GPC5: variants seen among roughly 807,000 people sequenced by gnomAD.
GPC5 encodes the protein glypican-5.
A neutral mutation model predicts 53.9 loss-of-function variants in GPC5; 47 were observed. That is an observed-to-expected ratio of 0.87 (90% confidence interval 0.69 to 1.11). GPC5 has a LOEUF of 1.11. Among genes scored for constraint, GPC5 ranks in the 50% most tolerant of loss-of-function variants. The pLI is 0.00. For synonymous variants in GPC5, 286 were observed against 263.3 expected (o/e 1.09, Z -0.84); for missense variants, 748 against 713.1 (o/e 1.05, Z -0.56).
intron 2 of GPC5, among the ~76,000 whole-genome samples, chr13:91,621,587 G>A (rs747680839): frequency 1.3e-5 from 2 of 151,908 alleles, no homozygotes; most frequent in African/African-American, 2.4e-5. Context: ...ATTGGTAAGG[G>A]AGTGCCTACC....
At chr13:92,580,819 C>T (rs896117232) in intron 7 of GPC5, among the ~76,000 whole-genome samples, 1 of 152,132 alleles carries the variant, frequency 6.6e-6, no homozygotes, top group Non-Finnish European at 1.5e-5. Flanking sequence ...GATCCAGTCA[C>T]CTCCTACCAG....
chr13:91,786,079 C>T (rs954701326), intron 5 of GPC5, among the ~76,000 whole-genome samples: 11 of 152,188 alleles, frequency 7.2e-5, no homozygotes, highest in African/African-American at 2.7e-4. Context: ...TCACCACAAC[C>T]TCTGCCTCCT....
At chr13:92,648,897 C>A (rs1372328742) in intron 7 of GPC5, among the ~76,000 whole-genome samples, 1 of 152,012 alleles carries the variant, frequency 6.6e-6, no homozygotes, top group African/African-American at 2.4e-5. Flanking sequence ...TACATGTGAG[C>A]TTCCAATAGG....
chr13:92,797,599 T>C (rs760596245), intron 7 of GPC5, among the ~76,000 whole-genome samples: 1 of 152,028 alleles, frequency 6.6e-6, no homozygotes, highest in South Asian at 2.1e-4. Context: ...AATCTTTAAA[T>C]ATGCTATTTA....
intron 7 of GPC5, among the ~76,000 whole-genome samples, chr13:92,723,598 C>T (rs1236238047): frequency 6.6e-6 from 1 of 151,714 alleles, no homozygotes; most frequent in Non-Finnish European, 1.5e-5. Flanking sequence ...AAAACTTGTA[C>T]TTAATTTCAC....
chr13:91,512,317 T>A (rs531154293), intron 2 of GPC5, among the ~76,000 whole-genome samples: 14 of 152,302 alleles, frequency 9.2e-5, no homozygotes, highest in Non-Finnish European at 1.3e-4. Context: ...TTCTGCACCT[T>A]TGGAGATCTC....
chr13:92,473,500 G>T (rs1337267666), intron 7 of GPC5, among the ~76,000 whole-genome samples: 2 of 152,180 alleles, frequency 1.3e-5, no homozygotes, highest in East Asian at 3.9e-4. Flanking sequence ...CAAAACAAAT[G>T]ATTCTCATCA....
chr13:92,385,399 CACATATATACACATATATATACATATAT>C (rs1555331910), intron 7 of GPC5, among the ~76,000 whole-genome samples: 2,147 of 56,740 alleles, frequency 0.038, 79 homozygotes, highest in Middle Eastern at 0.055. Context: ...TACATATATA[CACATATATACACATATATATACATATAT>C]ACATATATAC....
rs182499705 is a variant in GPC5 at position 92,185,356 on chromosome 13, A to T, written c.1561+40367A>T. On this transcript the variant is annotated intron_variant, in intron 7 of 7. Coordinates refer to ENST00000377067, the MANE Select transcript of GPC5 (RefSeq NM_004466.6). The stretch of plus-strand genomic sequence containing the variant: ...TATGGACATAGATATCACTTACCTG[A>T]TCTCCAGCTCAAAATATTAATATGA... Among the ~76,000 whole-genome samples the T allele has an allele frequency of 5.3e-5, 8 of 152,250 alleles. No individual in the cohort carries two copies. The East Asian group carries it at 1.5e-3, about 29-fold the overall frequency.
At chr13:91,707,459 C>CA (rs199634487) in intron 3 of GPC5, among the ~76,000 whole-genome samples, 2,145 of 151,636 alleles carry the variant, frequency 0.014, 50 homozygotes, top group African/African-American at 0.048. Flanking sequence ...ACCATCTCTA[C>CA]AAAAAAAATA....
At chr13:91,658,335 C>T (rs1426327623) in intron 2 of GPC5, among the ~76,000 whole-genome samples, 1 of 151,272 alleles carries the variant, frequency 6.6e-6, no homozygotes, top group African/African-American at 2.4e-5. Flanking sequence ...TGGCCTTAGC[C>T]ATAGCACATT....
At chr13:91,608,385 G>A (rs1049283596) in intron 2 of GPC5, among the ~76,000 whole-genome samples, 30 of 152,300 alleles carry the variant, frequency 2.0e-4, no homozygotes, top group African/African-American at 6.7e-4. Context: ...TGTCATTAGA[G>A]AACAGGAAAG....
At chr13:92,633,720 T>C (rs1272971705) in intron 7 of GPC5, among the ~76,000 whole-genome samples, 12 of 152,140 alleles carry the variant, frequency 7.9e-5, no homozygotes, top group Non-Finnish European at 1.8e-4. Context: ...TTTAAAGTTT[T>C]TACCTATTAT....
chr13:91,764,975 A>G (rs78487031), intron 5 of GPC5, among the ~76,000 whole-genome samples: 5,784 of 152,176 alleles, frequency 0.038, 137 homozygotes, highest in Middle Eastern at 0.065. Flanking sequence ...TGTGATGGTA[A>G]TGTTTTGGCC....
chr13:91,676,662 T>A (rs2035391242), intron 2 of GPC5, among the ~76,000 whole-genome samples: 1 of 152,186 alleles, frequency 6.6e-6, no homozygotes, highest in African/African-American at 2.4e-5. Context: ...AGTAACTTAA[T>A]CATTCTGGAA....
At chr13:92,812,035 C>T (rs1417796465) in intron 7 of GPC5, among the ~76,000 whole-genome samples, 1 of 151,854 alleles carries the variant, frequency 6.6e-6, no homozygotes, top group African/African-American at 2.4e-5. Context: ...TGTGAGTTCT[C>T]CAATTTTATT....
intron 1 of GPC5, among the ~76,000 whole-genome samples, chr13:91,426,228 G>A (rs981804110): frequency 1.3e-5 from 2 of 151,682 alleles, no homozygotes; most frequent in Admixed American, 6.6e-5. Flanking sequence ...ATGTCTCTAC[G>A]GCATGTCAGA....
At chr13:92,386,183 T>A (rs1874714646) in intron 7 of GPC5, among the ~76,000 whole-genome samples, 1 of 152,012 alleles carries the variant, frequency 6.6e-6, no homozygotes, top group East Asian at 1.9e-4. Context: ...CCAGAAGCAT[T>A]TTTAAACTCA....
At chr13:92,367,611 C>T (rs2043616512) in intron 7 of GPC5, among the ~76,000 whole-genome samples, 2 of 152,164 alleles carry the variant, frequency 1.3e-5, no homozygotes, top group Non-Finnish European at 2.9e-5. Context: ...TTTTTATCTG[C>T]TGAAAATAAT....
Sources: allele counts gnomAD v4.1 joint callset (sites outside exome capture counted in the v4.1 genomes callset), GRCh38; gene constraint gnomAD v4.1.1; transcripts MANE v1.5; gene names NCBI Gene and HGNC (gene_info 2026-07-23, HGNC 2026-07-21).